The following ZNF385D variants were observed in gnomAD, a reference collection of about 807,000 sequenced individuals.
ZNF385D encodes zinc finger protein 659.
Under a neutral mutation model 35.8 loss-of-function variants are expected in ZNF385D, and 15 were observed. That is an observed-to-expected ratio of 0.42 (90% CI 0.28 to 0.64). The LOEUF (loss-of-function observed/expected upper bound fraction) is 0.64, where lower values mean the gene tolerates loss of function less well. ZNF385D is among the 30% of genes least tolerant of loss of function. The pLI is 0.23. For missense variants in ZNF385D, 474 were observed against 494.6 expected, an observed-to-expected ratio of 0.96 and a Z score of 0.39; for synonymous variants, 212 against 186.8, an observed-to-expected ratio of 1.13 and a Z score of -1.10.
chr3:22,262,721 T>G (rs551020461), intron 2 of ZNF385D, among the ~76,000 whole-genome samples: 1 of 152,070 alleles, frequency 6.6e-6, no homozygotes, highest in South Asian at 2.1e-4. Flanking sequence ...AAGTTGGTTG[T>G]ACCAACTACC....
At chr3:21,431,452 C>A (rs998522195) in intron 5 of ZNF385D, among the ~76,000 whole-genome samples, 3 of 152,150 alleles carry the variant, frequency 2.0e-5, no homozygotes, top group Non-Finnish European at 2.9e-5. Flanking sequence ...TATTCCATAT[C>A]TATACAAATG....
intron 1 of ZNF385D, among the ~76,000 whole-genome samples, chr3:21,739,514 G>A (rs1337692780): frequency 1.3e-5 from 2 of 152,188 alleles, no homozygotes; most frequent in Non-Finnish European, 2.9e-5. Context: ...AAGGTCGACA[G>A]GAACATGAGG....
chr3:21,670,969 T>G (rs2066559884), intron 1 of ZNF385D, among the ~76,000 whole-genome samples: 1 of 151,904 alleles, frequency 6.6e-6, no homozygotes, highest in Non-Finnish European at 1.5e-5. Flanking sequence ...CAGTGAAGGT[T>G]TTTGTGTCCT....
At chr3:21,999,486 T>G (rs910257833) in intron 3 of ZNF385D, among the ~76,000 whole-genome samples, 2 of 152,158 alleles carry the variant, frequency 1.3e-5, no homozygotes, top group African/African-American at 4.8e-5. Flanking sequence ...ACCAACATTT[T>G]GGGGCTTTGT....
chr3:22,361,218 G>A (rs1207637377), intron 2 of ZNF385D, among the ~76,000 whole-genome samples: 1 of 152,018 alleles, frequency 6.6e-6, no homozygotes, highest in Non-Finnish European at 1.5e-5. Flanking sequence ...GTTCCAATGT[G>A]GCAAGACTAA....
At chr3:21,967,963 A>G (rs141132476) in intron 3 of ZNF385D, among the ~76,000 whole-genome samples, 293 of 152,336 alleles carry the variant, frequency 1.9e-3, no homozygotes, top group African/African-American at 6.8e-3. Flanking sequence ...AAGAGACACT[A>G]AAGTGGGTAG....
intron 3 of ZNF385D, among the ~76,000 whole-genome samples, chr3:21,992,197 C>T (rs1440417582): frequency 6.6e-6 from 1 of 152,024 alleles, no homozygotes; most frequent in East Asian, 1.9e-4. Flanking sequence ...AAACAGACAA[C>T]ATAATATCTA....
chr3:21,700,977 C>A (rs2067660928), intron 1 of ZNF385D, among the ~76,000 whole-genome samples: 1 of 152,206 alleles, frequency 6.6e-6, no homozygotes, highest in Non-Finnish European at 1.5e-5. Context: ...CCCTTTGAGG[C>A]TGTCCTGCAT....
intron 3 of ZNF385D, among the ~76,000 whole-genome samples, chr3:21,873,326 A>G (rs1299048100): frequency 1.3e-5 from 2 of 152,132 alleles, no homozygotes; most frequent in Non-Finnish European, 2.9e-5. Context: ...GTTAGTTTAC[A>G]GATAAATAAA....
intron 3 of ZNF385D, among the ~76,000 whole-genome samples, chr3:21,968,593 T>C (rs1346143313): frequency 6.6e-6 from 1 of 152,036 alleles, no homozygotes; most frequent in African/African-American, 2.4e-5. Context: ...GCTGTCATAC[T>C]TTATTTCTAG....
At chr3:22,221,426 A>G (rs1397398360) in intron 2 of ZNF385D, among the ~76,000 whole-genome samples, 3 of 152,064 alleles carry the variant, frequency 2.0e-5, no homozygotes, top group Non-Finnish European at 4.4e-5. Flanking sequence ...CAGACATAAC[A>G]TTTAATTAAT....
At chr3:21,996,034 A>C (rs1365563838) in intron 3 of ZNF385D, among the ~76,000 whole-genome samples, 1 of 152,094 alleles carries the variant, frequency 6.6e-6, no homozygotes, top group Non-Finnish European at 1.5e-5. Flanking sequence ...AATGTCAGCA[A>C]AGCTCAGGGA....
At chr3:22,064,872 A>G (rs1358483068) in intron 3 of ZNF385D, among the ~76,000 whole-genome samples, 2 of 152,218 alleles carry the variant, frequency 1.3e-5, no homozygotes, top group Admixed American at 6.5e-5. Context: ...ATTGCACAGC[A>G]TGGTGATTAC....
intron 4 of ZNF385D, among the ~76,000 whole-genome samples, chr3:21,498,517 A>G (rs1480131024): frequency 2.0e-5 from 3 of 152,208 alleles, no homozygotes; most frequent in Non-Finnish European, 4.4e-5. Context: ...ACAAGCAAAA[A>G]ACAAGCAACC....
chr3:22,227,785 T>C (rs1289605256), intron 2 of ZNF385D, among the ~76,000 whole-genome samples: 1 of 152,108 alleles, frequency 6.6e-6, no homozygotes. Context: ...TTTCTAGAAA[T>C]TTCTTCATTA....
chr3:21,508,386 G>A (rs1432449019), intron 4 of ZNF385D, among the ~76,000 whole-genome samples: 3 of 152,054 alleles, frequency 2.0e-5, no homozygotes, highest in South Asian at 4.2e-4. Flanking sequence ...TGGGGTGGGG[G>A]TGTTAAGCAC....
At chr3:21,506,686 A>G (rs970230860) in intron 4 of ZNF385D, among the ~76,000 whole-genome samples, 9 of 152,222 alleles carry the variant, frequency 5.9e-5, no homozygotes, top group Non-Finnish European at 1.3e-4. Context: ...GAAATGCTCT[A>G]TGAAATATTC....
In ZNF385D at chr3:21,727,335, A is replaced by C. The variant is rs547520055; in HGVS notation, c.22+23560T>G. Among the ~76,000 whole-genome samples the C allele has an allele frequency of 5.4e-4, 83 of 152,348 alleles. 1 individual carries two copies. The highest frequency in any genetic ancestry group is 1.1e-3 in the Non-Finnish European group (74 of 68,038). On this transcript the variant is annotated intron_variant, in intron 1 of 7. Transcript: ENST00000281523. ...AAAATTGACAAATGGTATCTAATTA[A>C]ACTAAAGACCTTCTGCACAGCAAAA...
intron 3 of ZNF385D, among the ~76,000 whole-genome samples, chr3:21,844,433 T>C (rs1304126183): frequency 1.4e-5 from 2 of 147,846 alleles, no homozygotes; most frequent in Non-Finnish European, 1.5e-5. Context: ...TGGTGCTTTC[T>C]TGGGGATTTT....
Sources: gnomAD v4.1 joint callset for allele counts (sites outside exome capture counted in the v4.1 genomes callset) on GRCh38, gnomAD v4.1.1 for gene constraint, MANE v1.5 for transcripts, NCBI Gene and HGNC (gene_info 2026-07-23, HGNC 2026-07-21) for gene names.